Variants in SNX27 observed in about 807,000 individuals in gnomAD.
SNX27 encodes sorting nexin 27, also known as sorting nexin-27.
A neutral mutation model predicts 71.6 loss-of-function variants in SNX27; 22 were observed. The ratio of observed to expected loss-of-function variants is 0.31; its 90% CI spans 0.22 to 0.44. SNX27 has a LOEUF of 0.44. Ranked by LOEUF, SNX27 falls within the 20% of genes least tolerant of loss-of-function variation. SNX27 has a pLI of 1.00. For missense variants in SNX27, 531 were observed against 698.6 expected (o/e 0.76, Z 2.70); for synonymous variants, 269 against 277.2 (o/e 0.97, Z 0.29).
At chr1:151,635,408 A>G (rs1262661139) in intron 1 of SNX27, among the ~76,000 whole-genome samples, 1 of 152,214 alleles carries the variant, frequency 6.6e-6, no homozygotes, top group Non-Finnish European at 1.5e-5. Flanking sequence ...TCCCAAACCC[A>G]TACTTTGAAC....
In SNX27 at chr1:151,636,636, T is replaced by G. The variant is rs116472466; in HGVS notation, c.312-2252T>G. On this transcript the variant is annotated intron_variant, in intron 1 of 11. Coordinates refer to ENST00000458013, the MANE Select transcript of SNX27 (RefSeq NM_001330723.2). ...TCCAAGATATTAGTATTTTGGCCAG[T>G]CTTTAAGGTGTCAGCTTTTTCCACT... Among the ~76,000 whole-genome samples, 1,067 of 139,766 alleles carry G rather than the reference T, an allele frequency of 7.6e-3. 19 individuals carry two copies. The highest frequency in any genetic ancestry group is 0.027 in the African/African-American group (992 of 37,098). 91.7% of individuals were successfully genotyped at this position (139,766 alleles called of 152,430 possible).
At position 151,612,538 on chromosome 1, in the gene SNX27, C is replaced by G; in HGVS notation, c.311+26C>G. On this transcript the variant is annotated intron_variant, in intron 1 of 11. Coordinates refer to ENST00000458013, the MANE Select transcript of SNX27 (RefSeq NM_001330723.2). This position sits in a 1 kb window ranked among gnomAD's most constrained non-coding sequence, Gnocchi z 5.2. The stretch of plus-strand genomic sequence containing the variant: ...GTGAGTATCGGGGCTACCCGCCGCC[C>G]CATCCTCCCCGCGCCCCTCCTGCCC... 1 of 1,325,792 alleles carries G rather than the reference C, an allele frequency of 7.5e-7. No individual in the cohort carries two copies. Among genetic ancestry groups the G allele is most frequent in the Non-Finnish European group, 9.7e-7 (1 of 1,036,142 alleles). 82.1% of individuals were successfully genotyped at this position (1,325,792 alleles called of 1,614,324 possible).
rs1369065193 is a variant in SNX27, at chr1:151,620,084, CTG to C, written c.311+7575_311+7576del. Reference sequence around the variant, plus strand: ...CAAGGATTTTATAGGTTGAGGAAAACTGTGACCAAAGAGGGGAAAATGTGAAA... The same window carrying C: ...CAAGGATTTTATAGGTTGAGGAAAACTGACCAAAGAGGGGAAAATGTGAAA... On this transcript the variant is annotated intron_variant, in intron 1 of 11. Transcript: ENST00000458013. Among the ~76,000 whole-genome samples the C allele has an allele frequency of 2.6e-5, 4 of 152,256 alleles. No individual in the cohort carries two copies. The South Asian group carries it at 6.2e-4, about 24-fold the overall frequency.
intron 1 of SNX27, among the ~76,000 whole-genome samples, chr1:151,624,457 A>G (rs1667830124): frequency 8.3e-6 from 1 of 120,704 alleles, no homozygotes; most frequent in African/African-American, 3.2e-5. Context: ...TTTGCGATGG[A>G]GTCTTGCTCT....
rs1329423618 is a variant in SNX27 at position 151,696,364 on chromosome 1, G to A, written c.*1947G>A. On this transcript the variant is annotated 3_prime_UTR_variant, in exon 12 of 12. Transcript: ENST00000458013. Reference sequence around the variant, plus strand: ...CATCTTTTGCTCTAACTGGGAGACAGTCATAATTGGTTGTAGTCAATTCTA... The same window carrying A: ...CATCTTTTGCTCTAACTGGGAGACAATCATAATTGGTTGTAGTCAATTCTA... 2 of 152,236 alleles carry A rather than the reference G, an allele frequency of 1.3e-5. No homozygotes were observed. The highest frequency in any genetic ancestry group is 2.4e-5 in the African/African-American group (1 of 41,454). 9.4% of individuals were successfully genotyped at this position (152,236 alleles called of 1,614,324 possible).
Position 151,697,242 on chromosome 1 carries a change from AGCT to A in SNX27, c.*2826_*2828del, listed in dbSNP as rs759332955. On this transcript the variant is annotated 3_prime_UTR_variant, in exon 12 of 12. Transcript: ENST00000458013. Reference sequence around the variant, plus strand: ...CTAGATGCTAAAGAGACTTGGCACCAGCTTTGTTCAAACTGTAAAAATAGCAAT... The same window carrying A: ...CTAGATGCTAAAGAGACTTGGCACCATTGTTCAAACTGTAAAAATAGCAAT... The A allele has an allele frequency of 6.6e-5, 10 of 152,218 alleles. No individual in the cohort carries two copies. The highest frequency in any genetic ancestry group is 2.0e-4 in the Admixed American group (3 of 15,280). 9.4% of individuals were successfully genotyped at this position (152,218 alleles called of 1,614,324 possible). A position where few individuals can be genotyped will look rare whatever the true frequency, so the allele number is the denominator to read the frequency against.
chr1:151,649,794 C>T (rs1669238145), intron 2 of SNX27, among the ~76,000 whole-genome samples: 1 of 152,168 alleles, frequency 6.6e-6, no homozygotes, highest in Non-Finnish European at 1.5e-5. Flanking sequence ...CAGCCTTGAC[C>T]TCCTGGGCTC....
intron 8 of SNX27, among the ~76,000 whole-genome samples, chr1:151,686,643 A>G (rs1277474508): frequency 1.3e-5 from 2 of 152,268 alleles, no homozygotes; most frequent in Non-Finnish European, 2.9e-5. Flanking sequence ...CAGTGTTCAA[A>G]GGCATTAGCC....
chr1:151,624,425 A>G (rs1350685355), intron 1 of SNX27, among the ~76,000 whole-genome samples: 33 of 143,784 alleles, frequency 2.3e-4, no homozygotes, highest in African/African-American at 8.4e-4. Context: ...ATATATATAT[A>G]TATATATGTA....
At chr1:151,685,373 T>C (rs887414136) in intron 8 of SNX27, 2 of 152,120 alleles carry the variant, frequency 1.3e-5, no homozygotes, top group African/African-American at 4.8e-5. Flanking sequence ...TGTACATTAA[T>C]TGGGTTGGAA....
In SNX27 at chr1:151,619,921, C is replaced by T. The variant is rs528995384; in HGVS notation, c.311+7409C>T. On this transcript the variant is annotated intron_variant, in intron 1 of 11. Coordinates refer to ENST00000458013, the MANE Select transcript of SNX27 (RefSeq NM_001330723.2). ...ACAATTTGCTGTGTGTAAAGCTAAA[C>T]GAGGTAATAGAGATAAATGAAAAGC... 2.6e-5 allele frequency among the ~76,000 whole-genome samples: 4 copies of T among 152,170 alleles called. No individual in the cohort carries two copies. In the South Asian group the frequency reaches 6.2e-4, roughly 24 times the overall value.
intron 6 of SNX27, among the ~76,000 whole-genome samples, chr1:151,668,030 C>G (rs1670288462): frequency 6.6e-6 from 1 of 152,126 alleles, no homozygotes. Flanking sequence ...CTATTTGTTT[C>G]ATGATTCTGC....
At chr1:151,693,965 A>AT (rs1571883037) in intron 11 of SNX27, 2 of 1,258,872 alleles carry the variant, frequency 1.6e-6, no homozygotes, top group East Asian at 6.9e-5. Context: ...AAGATTCTGA[A>AT]TAATTAGTTA....
At position 151,624,683 on chromosome 1, in the gene SNX27, C is replaced by T. The variant is rs568520409; in HGVS notation, c.311+12171C>T. Among the ~76,000 whole-genome samples, 3 of 151,854 alleles carry T rather than the reference C, an allele frequency of 2.0e-5. No homozygotes were observed. The East Asian group carries it at 5.8e-4, about 29-fold the overall frequency. The stretch of plus-strand genomic sequence containing the variant: ...CTGACCTCAGGTGATACACCTACCT[C>T]GGCCTCCCAAAAAGCTGGGATTACA... On this transcript the variant is annotated intron_variant, in intron 1 of 11. Transcript: ENST00000458013.
chr1:151,671,237 T>C (rs1172336583), intron 7 of SNX27, among the ~76,000 whole-genome samples: 2 of 107,196 alleles, frequency 1.9e-5, no homozygotes, highest in Non-Finnish European at 4.1e-5. Context: ...AGTTTTGTTC[T>C]TTTTTTTTTT....
chr1:151,648,003 AC>A (rs1349168722), intron 2 of SNX27, among the ~76,000 whole-genome samples: 2 of 151,510 alleles, frequency 1.3e-5, no homozygotes, highest in Admixed American at 6.6e-5. Flanking sequence ...AAAAAAAAAA[AC>A]AACAAAAAAA....
rs190092017 is a variant in SNX27, at chr1:151,670,512, C to T, written c.1149+1877C>T. On this transcript the variant is annotated intron_variant, in intron 7 of 11. Coordinates refer to ENST00000458013, the MANE Select transcript of SNX27 (RefSeq NM_001330723.2). Reference sequence around the variant, plus strand: ...GTTGTACAAGTTACATTCTCACCAACAGTAAACAAGGGTTCCCTTTCCTCC... The same window carrying T: ...GTTGTACAAGTTACATTCTCACCAATAGTAAACAAGGGTTCCCTTTCCTCC... Among the ~76,000 whole-genome samples the T allele has an allele frequency of 1.7e-4, 26 of 152,336 alleles. No homozygotes were observed. The East Asian group carries it at 4.8e-3, about 28-fold the overall frequency.
chr1:151,613,335 T>G (rs1667280194), intron 1 of SNX27: 1 of 153,004 alleles, frequency 6.5e-6, no homozygotes, highest in African/African-American at 2.4e-5. Flanking sequence ...ATCCCTTCCC[T>G]GGCCTCCTGC....
intron 2 of SNX27, among the ~76,000 whole-genome samples, chr1:151,655,460 C>A (rs904703767): frequency 6.6e-6 from 1 of 152,168 alleles, no homozygotes; most frequent in African/African-American, 2.4e-5. Flanking sequence ...TGCTTTAGCT[C>A]CCTCTTGCAT....
Sources: allele counts gnomAD v4.1 joint callset (sites outside exome capture counted in the v4.1 genomes callset), GRCh38; gene constraint gnomAD v4.1.1; non-coding constraint Gnocchi (gnomAD v3.1); transcripts MANE v1.5; gene names NCBI Gene and HGNC (gene_info 2026-07-23, HGNC 2026-07-21).